Variants in POC1B observed in about 807,000 individuals in gnomAD.
POC1B encodes POC1 centriolar protein B, also known as POC1 centriolar protein homolog B.
Under a neutral mutation model 60.6 loss-of-function variants are expected in POC1B, and 44 were observed. That is an observed-to-expected ratio of 0.73 (90% CI 0.57 to 0.93). POC1B has a LOEUF of 0.93. Ranked by LOEUF, POC1B falls within the 40% of genes least tolerant of loss-of-function variation. POC1B has a pLI of 0.00. For missense variants in POC1B, 555 were observed against 572.3 expected, an observed-to-expected ratio of 0.97 and a Z score of 0.31; for synonymous variants, 180 against 198.9, an observed-to-expected ratio of 0.90 and a Z score of 0.80.
chr12:89,452,330 A>G (rs1882078789), intron 10 of POC1B, among the ~76,000 whole-genome samples: 1 of 152,102 alleles, frequency 6.6e-6, no homozygotes, highest in African/African-American at 2.4e-5. Flanking sequence ...AAACGTGCTA[A>G]TTTTCTAAAG....
In POC1B at chr12:89,421,079, A is replaced by T. The variant is rs918343036; in HGVS notation, c.*74T>A. On this transcript the variant is annotated 3_prime_UTR_variant, in exon 12 of 12. Coordinates refer to ENST00000313546, the MANE Select transcript of POC1B (RefSeq NM_172240.3). ...GGTTGTGTTGTATGGAGTATCTTGT[A>T]CTACCTTCCTGAGTGTATGTACATT... 3 of 1,158,552 alleles carry T rather than the reference A, an allele frequency of 2.6e-6. No homozygotes were observed. In the South Asian group the frequency reaches 4.2e-5, roughly 16 times the overall value. The allele number at this position is 1,158,552 out of a possible 1,614,324, so 71.8% of individuals were successfully genotyped here.
chr12:89,463,380 A>T (rs979174436), intron 9 of POC1B, among the ~76,000 whole-genome samples: 11 of 152,182 alleles, frequency 7.2e-5, no homozygotes, highest in Admixed American at 2.0e-4. Context: ...CTGTCTTCTC[A>T]TCAAAATGTG....
chr12:89,406,814 T>C, the POC1B span, among the ~76,000 whole-genome samples: 4 of 151,896 alleles, frequency 2.6e-5, no homozygotes, highest in African/African-American at 9.7e-5. Context: ...ATATGTGATA[T>C]ATAAGATAAT....
At chr12:89,404,704 G>A in the POC1B span, among the ~76,000 whole-genome samples, 1 of 152,080 alleles carries the variant, frequency 6.6e-6, no homozygotes, top group South Asian at 2.1e-4. Context: ...TTCCTGGGTT[G>A]CCACAATCGA....
intron 7 of POC1B, among the ~76,000 whole-genome samples, chr12:89,469,656 T>G (rs1019612256): frequency 1.3e-5 from 2 of 151,356 alleles, no homozygotes; most frequent in Middle Eastern, 3.2e-3. Flanking sequence ...GCAGAAGGAG[T>G]GAGGGAGAGG....
At chr12:89,456,090 G>A (rs925005876) in intron 10 of POC1B, among the ~76,000 whole-genome samples, 5 of 151,754 alleles carry the variant, frequency 3.3e-5, no homozygotes, top group Admixed American at 6.6e-5. Flanking sequence ...GCACAATCTC[G>A]GCTCACTGCA....
At chr12:89,519,010 A>G (rs1343856934) in intron 2 of POC1B, among the ~76,000 whole-genome samples, 1 of 152,168 alleles carries the variant, frequency 6.6e-6, no homozygotes, top group East Asian at 1.9e-4. Context: ...AGGAAGAGAC[A>G]GGCCACTGGT....
chr12:89,471,731 T>A lies in POC1B; in HGVS notation c.561-2A>T. ...TTAAAGTCCACAAAATTTGCAAATC[T>A]AGGAGGAAAGAATAAGATGACCTAA... On this transcript the variant is annotated splice_acceptor_variant, in intron 5 of 11. Coordinates refer to ENST00000313546, the MANE Select transcript of POC1B (RefSeq NM_172240.3). LOFTEE classifies it high-confidence loss of function. The A allele has an allele frequency of 6.5e-7, 1 of 1,530,590 alleles. No individual in the cohort carries two copies. Among genetic ancestry groups the A allele is most frequent in the Non-Finnish European group, 8.9e-7 (1 of 1,125,862 alleles). 94.8% of individuals were successfully genotyped at this position (1,530,590 alleles called of 1,614,324 possible).
chr12:89,478,172 G>C (rs2135725138), intron 4 of POC1B, among the ~76,000 whole-genome samples: 1 of 152,128 alleles, frequency 6.6e-6, no homozygotes, highest in African/African-American at 2.4e-5. Context: ...TGCAATGGCG[G>C]GATCTTAGCT....
chr12:89,507,623 T>C (rs1869969061), intron 2 of POC1B, among the ~76,000 whole-genome samples: 1 of 152,220 alleles, frequency 6.6e-6, no homozygotes, highest in Non-Finnish European at 1.5e-5. Context: ...TCTATAACAA[T>C]AATCCATTGT....
intron 9 of POC1B, 63 bp downstream of exon 9, chr12:89,466,707 C>T: frequency 6.8e-7 from 1 of 1,460,478 alleles, no homozygotes; most frequent in Non-Finnish European, 9.3e-7. Flanking sequence ...TTTCAAACAC[C>T]TCCTTCAGCA....
At chr12:89,416,276 C>T (rs188013923), downstream of POC1B, among the ~76,000 whole-genome samples, 16 of 152,154 alleles carry the variant, frequency 1.1e-4, no homozygotes, top group East Asian at 2.7e-3. Flanking sequence ...TGAAGGGATA[C>T]GCAAGCTGCC....
chr12:89,411,797 T>C, the POC1B span, among the ~76,000 whole-genome samples: 1 of 152,224 alleles, frequency 6.6e-6, no homozygotes, highest in African/African-American at 2.4e-5. Flanking sequence ...TTAACAACTT[T>C]GAACTTTTCA....
chr12:89,517,107 C>T (rs1389654383), intron 2 of POC1B, among the ~76,000 whole-genome samples: 2 of 152,182 alleles, frequency 1.3e-5, no homozygotes, highest in African/African-American at 4.8e-5. Context: ...CTATCTCTAC[C>T]TCCCCCTACA....
At chr12:89,489,177 T>C (rs543135595) in intron 4 of POC1B, among the ~76,000 whole-genome samples, 24 of 152,370 alleles carry the variant, frequency 1.6e-4, no homozygotes, top group South Asian at 6.2e-4. Flanking sequence ...CTAAGAATTA[T>C]ATACTGACTA....
At chr12:89,517,061 A>G (rs1227368630) in intron 2 of POC1B, among the ~76,000 whole-genome samples, 5 of 152,154 alleles carry the variant, frequency 3.3e-5, no homozygotes, top group Non-Finnish European at 7.3e-5. Flanking sequence ...GAGGGCCACC[A>G]TTTAAACCCA....
At chr12:89,488,118 G>A (rs1259311765) in intron 4 of POC1B, among the ~76,000 whole-genome samples, 3 of 151,800 alleles carry the variant, frequency 2.0e-5, no homozygotes, top group Admixed American at 6.6e-5. Flanking sequence ...CTTACATTAC[G>A]ATTACCCTTT....
the POC1B span, among the ~76,000 whole-genome samples, chr12:89,413,487 A>G: frequency 6.6e-6 from 1 of 152,178 alleles, no homozygotes; most frequent in Non-Finnish European, 1.5e-5. Flanking sequence ...GTGAGCTACT[A>G]TGCCCAGCCT....
At chr12:89,407,689 A>G in the POC1B span, among the ~76,000 whole-genome samples, 2 of 152,264 alleles carry the variant, frequency 1.3e-5, no homozygotes, top group Non-Finnish European at 2.9e-5. Flanking sequence ...GCAAGGATGC[A>G]TATAAAGGGG....
Sources: gnomAD v4.1 joint callset for allele counts (sites outside exome capture counted in the v4.1 genomes callset) on GRCh38, gnomAD v4.1.1 for gene constraint, MANE v1.5 for transcripts, NCBI Gene and HGNC (gene_info 2026-07-23, HGNC 2026-07-21) for gene names.